CACNA1A: variants seen among roughly 807,000 people sequenced by gnomAD.
CACNA1A encodes the protein voltage-dependent P/Q-type calcium channel subunit alpha-1A.
Under a neutral mutation model 262.4 loss-of-function variants are expected in CACNA1A, and 57 were observed. The observed-to-expected ratio is 0.22, with a 90% CI of 0.18 to 0.27. CACNA1A has a LOEUF of 0.27. CACNA1A is among the 10% of genes least tolerant of loss of function. The probability of loss-of-function intolerance (pLI) is 1.00; values close to 1 mark genes in which losing one functional copy is unlikely to be tolerated. For missense variants in CACNA1A, 2,526 were observed against 3,562.8 expected, an observed-to-expected ratio of 0.71 and a Z score of 7.41; for synonymous variants, 1,431 against 1,419.3, an observed-to-expected ratio of 1.01 and a Z score of -0.18.
chr19:13,212,825 T>C lies in CACNA1A; in HGVS notation c.5941-85A>G, dbSNP rs2144527348. 1 of 548,552 alleles carries C rather than the reference T, an allele frequency of 1.8e-6. No individual in the cohort carries two copies. Among genetic ancestry groups the C allele is most frequent in the Non-Finnish European group, 3.1e-6 (1 of 320,354 alleles). 34.0% of individuals were successfully genotyped at this position (548,552 alleles called of 1,614,324 possible). On this transcript the variant is annotated intron_variant, in intron 40 of 46. Coordinates refer to ENST00000360228, the MANE Select transcript of CACNA1A (RefSeq NM_001127222.2). The surrounding 1 kb of genome is among the most constrained non-coding windows in gnomAD (Gnocchi z 5.6). Reference sequence around the variant, plus strand: ...CCAGAAGGCATTGCGACATCCCCAGTATACACACACACACACACACACACT... The same window carrying C: ...CCAGAAGGCATTGCGACATCCCCAGCATACACACACACACACACACACACT...
chr19:13,427,729 T>A (rs4632265), intron 3 of CACNA1A, among the ~76,000 whole-genome samples: 1 of 151,796 alleles, frequency 6.6e-6, no homozygotes, highest in Admixed American at 6.6e-5. Flanking sequence ...TGCTCAGTGT[T>A]ACTGGTGATT....
At chr19:13,293,618 T>A (rs1028891001) in intron 19 of CACNA1A, among the ~76,000 whole-genome samples, 3 of 150,106 alleles carry the variant, frequency 2.0e-5, no homozygotes, top group African/African-American at 7.3e-5. Flanking sequence ...CGGCTAATTT[T>A]TTTTTTTTTT....
chr19:13,306,616 T>A (rs1433174021), intron 15 of CACNA1A: 1 of 152,208 alleles, frequency 6.6e-6, no homozygotes, highest in African/African-American at 2.4e-5. Context: ...TCCCTAGAGG[T>A]AGTAAACAAT....
At chr19:13,439,266 G>A (rs1050553990) in intron 3 of CACNA1A, among the ~76,000 whole-genome samples, 3 of 150,238 alleles carry the variant, frequency 2.0e-5, no homozygotes, top group Non-Finnish European at 3.0e-5. Flanking sequence ...CCACCACCAC[G>A]CTCAGCTAAT....
rs189246364 is a variant in CACNA1A at position 13,319,628 on chromosome 19, C to T, written c.1346-2307G>A. ...TGAGTTGGCACCCTAGGGGCCATAC[C>T]GACTCATACTGGGTTTGTGAAAGCT... is the stretch of plus-strand genomic sequence containing the variant. On this transcript the variant is annotated intron_variant, in intron 10 of 46. Transcript: ENST00000360228. Among the ~76,000 whole-genome samples, 662 of 152,216 alleles carry T rather than the reference C, an allele frequency of 4.3e-3. 4 individuals carry two copies. Among genetic ancestry groups the T allele is most frequent in the South Asian group, 8.9e-3 (43 of 4,828 alleles).
At chr19:13,495,748 T>A (rs1262963779) in intron 1 of CACNA1A, among the ~76,000 whole-genome samples, 1 of 151,854 alleles carries the variant, frequency 6.6e-6, no homozygotes, top group Non-Finnish European at 1.5e-5. Context: ...CATCCACCCA[T>A]CCACCCACCC....
chr19:13,322,902 C>A (rs769683480), intron 10 of CACNA1A, among the ~76,000 whole-genome samples: 7 of 152,196 alleles, frequency 4.6e-5, no homozygotes, highest in South Asian at 2.1e-4. Flanking sequence ...CCTGCAAAGA[C>A]CCTATTTTCA....
At chr19:13,365,177 A>T in intron 5 of CACNA1A, 140 bp downstream of exon 5, 1 of 647,838 alleles carries the variant, frequency 1.5e-6, no homozygotes, top group Non-Finnish European at 2.6e-6. Flanking sequence ...TATTTCACTC[A>T]CTGCCTCTCC....
rs1379053249 is a variant in CACNA1A, at chr19:13,496,082, AT to A, written c.293+9849del. ...CATCCATCCATCCATCCATCCATCCATCCATCCACCCAGACATCCAACACTA... is the reference window on the plus strand; with the variant it reads ...CATCCATCCATCCATCCATCCATCCACCATCCACCCAGACATCCAACACTA... On this transcript the variant is annotated intron_variant, in intron 1 of 46. Transcript: ENST00000360228. Among the ~76,000 whole-genome samples the A allele has an allele frequency of 2.6e-3, 312 of 118,808 alleles. 2 individuals are homozygous for A. Among genetic ancestry groups the A allele is most frequent in the African/African-American group, 0.016 (281 of 17,904 alleles). 77.9% of individuals were successfully genotyped at this position (118,808 alleles called of 152,430 possible). A position where few individuals can be genotyped will look rare whatever the true frequency, so the allele number is the denominator to read the frequency against.
chr19:13,429,612 T>C (rs912687012), intron 3 of CACNA1A, among the ~76,000 whole-genome samples: 3 of 146,646 alleles, frequency 2.0e-5, no homozygotes, highest in Non-Finnish European at 4.5e-5. Flanking sequence ...TTAAAAAAAA[T>C]TCCACTTCTG....
chr19:13,241,699 G>A lies in CACNA1A; in HGVS notation c.4950+3483C>T, dbSNP rs1950382884. ...GTGGGTTGGGAGATAAGTCATTGGT[G>A]TATGAACACACAGACCATGTCATGG... On this transcript the variant is annotated intron_variant, in intron 31 of 46. Coordinates refer to ENST00000360228, the MANE Select transcript of CACNA1A (RefSeq NM_001127222.2). This position sits in a 1 kb window ranked among gnomAD's most constrained non-coding sequence, Gnocchi z 4.0. 6.6e-6 allele frequency among the ~76,000 whole-genome samples: 1 copy of A among 152,142 alleles called. No homozygotes were observed. The highest frequency in any genetic ancestry group is 6.6e-5 in the Admixed American group (1 of 15,264).
Position 13,319,947 on chromosome 19 carries a change from C to CTGGGGCATATGGTCA in CACNA1A, c.1346-2641_1346-2627dup, listed in dbSNP as rs1465693787. Among the ~76,000 whole-genome samples, 73 of 152,106 alleles carry CTGGGGCATATGGTCA rather than the reference C, an allele frequency of 4.8e-4. 1 individual carries two copies. The highest frequency in any genetic ancestry group is 1.7e-3 in the African/African-American group (72 of 41,410). The stretch of plus-strand genomic sequence containing the variant: ...TGCTCTGGGCCGCCACATTGCACAC[C>CTGGGGCATATGGTCA]TGGGGCATATGGTCATGGGGCAGGG... On this transcript the variant is annotated intron_variant, in intron 10 of 46. Coordinates refer to ENST00000360228, the MANE Select transcript of CACNA1A (RefSeq NM_001127222.2).
In CACNA1A at chr19:13,432,757, C is replaced by T. The variant is rs534011253; in HGVS notation, c.539+20119G>A. ...GTTCTCACCACAAAAAATAAGTATG[C>T]GATGTAGTGGATATGTTAATTGGCT... is the stretch of plus-strand genomic sequence containing the variant. On this transcript the variant is annotated intron_variant, in intron 3 of 46. Coordinates refer to ENST00000360228, the MANE Select transcript of CACNA1A (RefSeq NM_001127222.2). Among the ~76,000 whole-genome samples, 10 of 151,420 alleles carry T rather than the reference C, an allele frequency of 6.6e-5. No homozygotes were observed. In the South Asian group the frequency reaches 1.0e-3, roughly 16 times the overall value.
intron 20 of CACNA1A, 76 bp downstream of exon 20, chr19:13,286,427 A>G: frequency 4.4e-6 from 3 of 677,184 alleles, no homozygotes; most frequent in South Asian, 4.8e-5. Context: ...GTCACAGTCC[A>G]GGGTCACTCA....
At chr19:13,505,835 C>T in intron 1 of CACNA1A, 97 bp downstream of exon 1, 1 of 1,291,348 alleles carries the variant, frequency 7.7e-7, no homozygotes, top group African/African-American at 1.5e-5. Flanking sequence ...CTCCCCACCT[C>T]CCATCAACCC....
At position 13,255,226 on chromosome 19, in the gene CACNA1A, G is replaced by T; in HGVS notation, c.4624C>A (p.Pro1542Thr). ...TTCTGCGGCATGTGTCGGGTCAGCG[G>T]CTTGGCGCTGATGGCGAAATCAATG... ...ACIDFAISAK[P>T]LTRHMPQNKQ... is the part of the protein sequence containing the mutation. Residue 1542 changes from proline to threonine, a missense_variant, in exon 29 of 47, where the codon CCG (proline) becomes ACG (threonine). Pro to Thr is a conservative substitution (Grantham distance 38). Transcript: ENST00000360228. 6.2e-7 allele frequency: 1 copy of T among 1,606,226 alleles called. No homozygotes were observed. Among genetic ancestry groups the T allele is most frequent in the Non-Finnish European group, 8.5e-7 (1 of 1,173,628 alleles).
In CACNA1A at chr19:13,505,560, C is replaced by A. The variant is rs1982921362; in HGVS notation, c.293+372G>T. Among the ~76,000 whole-genome samples, 3 of 152,138 alleles carry A rather than the reference C, an allele frequency of 2.0e-5. No homozygotes were observed. The South Asian group carries it at 6.2e-4, about 31-fold the overall frequency. ...TGCCCTGGCCAGAAGCGCCCAGGCC[C>A]GAGCCCGCTCCAAGCTCACTCCGTA... On this transcript the variant is annotated intron_variant, in intron 1 of 46. Coordinates refer to ENST00000360228, the MANE Select transcript of CACNA1A (RefSeq NM_001127222.2).
chr19:13,242,913 G>C (rs990444400), intron 31 of CACNA1A, among the ~76,000 whole-genome samples: 1 of 152,140 alleles, frequency 6.6e-6, no homozygotes, highest in Non-Finnish European at 1.5e-5. Context: ...TACTGCAAGG[G>C]TCCTGATGTC....
chr19:13,437,341 G>T (rs376293413), intron 3 of CACNA1A, among the ~76,000 whole-genome samples: 2 of 152,142 alleles, frequency 1.3e-5, no homozygotes, highest in African/African-American at 4.8e-5. Flanking sequence ...TCTCTACGCC[G>T]GCCTCGGTTT....
Sources: allele counts gnomAD v4.1 joint callset (sites outside exome capture counted in the v4.1 genomes callset), GRCh38; gene constraint gnomAD v4.1.1; non-coding constraint Gnocchi (gnomAD v3.1); transcripts MANE v1.5; gene names NCBI Gene and HGNC (gene_info 2026-07-23, HGNC 2026-07-21).